The following DLGAP2 variants were observed in gnomAD, a reference collection of about 807,000 sequenced individuals.
DLGAP2 encodes the protein disks large-associated protein 2.
In DLGAP2, 26 loss-of-function variants were observed where a neutral mutation model predicts 100.3. That is an observed-to-expected ratio of 0.26 (90% CI 0.19 to 0.36). The LOEUF (loss-of-function observed/expected upper bound fraction) is 0.36, where lower values mean the gene tolerates loss of function less well. DLGAP2 is among the 10% of genes least tolerant of loss of function. The pLI is 1.00. For synonymous variants in DLGAP2, 886 were observed against 630.1 expected (o/e 1.41, Z -6.08); for missense variants, 1,858 against 1,453.2 (o/e 1.28, Z -4.53).
chr8:1,169,237 C>T (rs1199838987), intron 2 of DLGAP2, among the ~76,000 whole-genome samples: 1 of 152,142 alleles, frequency 6.6e-6, no homozygotes, highest in Admixed American at 6.5e-5. Context: ...TACTATTGAT[C>T]TATATCTCTG....
At chr8:821,243 G>A (rs754864601) in intron 1 of DLGAP2, among the ~76,000 whole-genome samples, 11 of 152,192 alleles carry the variant, frequency 7.2e-5, no homozygotes, top group Non-Finnish European at 1.5e-4. Context: ...TCAGCAGATA[G>A]CAGGCAATGT....
intron 3 of DLGAP2, among the ~76,000 whole-genome samples, chr8:1,422,905 C>G (rs773727990): frequency 5.3e-5 from 8 of 152,160 alleles, no homozygotes; most frequent in Non-Finnish European, 1.0e-4. Flanking sequence ...GAAGCTCCAG[C>G]TCCTTCCTCA....
chr8:1,491,932 G>GC (rs1389605356), intron 3 of DLGAP2, among the ~76,000 whole-genome samples: 1 of 152,220 alleles, frequency 6.6e-6, no homozygotes, highest in Non-Finnish European at 1.5e-5. Context: ...GAGCTCCGGA[G>GC]CGGGACGCGA....
chr8:1,204,767 G>T (rs7002858), intron 2 of DLGAP2, among the ~76,000 whole-genome samples: 85,642 of 151,560 alleles, frequency 0.57, 26,636 homozygotes, highest in African/African-American at 0.83. Flanking sequence ...GAAGAGGGAA[G>T]AAAAAATCTG....
intron 1 of DLGAP2, among the ~76,000 whole-genome samples, chr8:862,892 A>G (rs1171632948): frequency 2.6e-5 from 4 of 152,200 alleles, no homozygotes; most frequent in Non-Finnish European, 4.4e-5. Flanking sequence ...AACATACATA[A>G]TTGATCCACA....
chr8:1,648,751 C>T (rs886847555), intron 8 of DLGAP2, among the ~76,000 whole-genome samples: 3 of 152,168 alleles, frequency 2.0e-5, no homozygotes, highest in Non-Finnish European at 2.9e-5. Context: ...TCCCTGAGCC[C>T]CTGGTCCCCT....
chr8:751,025 C>G (rs1328500818), intron 1 of DLGAP2, among the ~76,000 whole-genome samples: 1 of 152,158 alleles, frequency 6.6e-6, no homozygotes, highest in Non-Finnish European at 1.5e-5. Context: ...TGATCTCCGG[C>G]CACCCTCTCA....
At chr8:1,251,069 A>C (rs754040898) in intron 2 of DLGAP2, among the ~76,000 whole-genome samples, 7 of 152,160 alleles carry the variant, frequency 4.6e-5, no homozygotes, top group Non-Finnish European at 1.0e-4. Flanking sequence ...TTGGTTTTCA[A>C]ATTAGAAATT....
At chr8:809,659 T>C (rs892051966) in intron 1 of DLGAP2, among the ~76,000 whole-genome samples, 1 of 152,132 alleles carries the variant, frequency 6.6e-6, no homozygotes, top group Non-Finnish European at 1.5e-5. Context: ...CTGACTGAAA[T>C]TGGTGAAGAA....
At chr8:950,248 A>G (rs949894767) in intron 2 of DLGAP2, among the ~76,000 whole-genome samples, 1 of 152,198 alleles carries the variant, frequency 6.6e-6, no homozygotes, top group Non-Finnish European at 1.5e-5. Flanking sequence ...GGTACCAAAA[A>G]TCATGAGGAA....
In DLGAP2 at chr8:1,706,731, A is replaced by C. The variant is rs953367940; in HGVS notation, c.*5325A>C. 1.3e-5 allele frequency: 2 copies of C among 152,200 alleles called. No individual in the cohort carries two copies. Among genetic ancestry groups the C allele is most frequent in the Admixed American group, 1.3e-4 (2 of 15,278 alleles). 9.4% of individuals were successfully genotyped at this position (152,200 alleles called of 1,614,324 possible). Reference sequence around the variant, plus strand: ...TAAACATTAAAATGATGAAGGAAAAAAAATTATTTGGAAGCCGAAAACCGC... The same window carrying C: ...TAAACATTAAAATGATGAAGGAAAACAAATTATTTGGAAGCCGAAAACCGC... On this transcript the variant is annotated 3_prime_UTR_variant, in exon 15 of 15. Coordinates refer to ENST00000637795, the MANE Select transcript of DLGAP2 (RefSeq NM_001346810.2).
intron 12 of DLGAP2, among the ~76,000 whole-genome samples, chr8:1,689,500 G>A (rs1308182531): frequency 6.6e-6 from 1 of 152,238 alleles, no homozygotes; most frequent in Non-Finnish European, 1.5e-5. Context: ...TTTTCCACCA[G>A]CCTTGGAGAG....
At chr8:1,394,308 T>C (rs1238979589) in intron 3 of DLGAP2, among the ~76,000 whole-genome samples, 1 of 112 alleles carries the variant, frequency 8.9e-3, no homozygotes. Context: ...GCCACCTCCT[T>C]GTCCTCCTGA....
chr8:1,377,041 C>T (rs1355547081), intron 3 of DLGAP2, among the ~76,000 whole-genome samples: 1 of 152,204 alleles, frequency 6.6e-6, no homozygotes. Context: ...GTGCGCGGTC[C>T]CTGGCTGCTT....
chr8:1,614,972 CTG>C (rs1219459328), intron 6 of DLGAP2, among the ~76,000 whole-genome samples: 3 of 152,236 alleles, frequency 2.0e-5, no homozygotes, highest in Non-Finnish European at 4.4e-5. Flanking sequence ...GCCCATGGTC[CTG>C]TGAGTTCCCT....
In DLGAP2 at chr8:979,262, G is replaced by C. The variant is rs558209263; in HGVS notation, c.73+71296G>C. On this transcript the variant is annotated intron_variant, in intron 2 of 14. Coordinates refer to ENST00000637795, the MANE Select transcript of DLGAP2 (RefSeq NM_001346810.2). ...AACTAATAAAAACAGTAAGCAAATGGAGATTACAGCTTTAAATATACTGAC... is the reference window on the plus strand; with the variant it reads ...AACTAATAAAAACAGTAAGCAAATGCAGATTACAGCTTTAAATATACTGAC... Among the ~76,000 whole-genome samples, 5 of 152,288 alleles carry C rather than the reference G, an allele frequency of 3.3e-5. No homozygotes were observed. The South Asian group carries it at 1.0e-3, about 32-fold the overall frequency.
chr8:768,787 C>T (rs1475118507), intron 1 of DLGAP2, among the ~76,000 whole-genome samples: 2 of 152,038 alleles, frequency 1.3e-5, no homozygotes, highest in African/African-American at 2.4e-5. Context: ...AAAAATGGTG[C>T]GCTTCCATCG....
At chr8:1,555,181 A>G (rs990600468) in intron 5 of DLGAP2, among the ~76,000 whole-genome samples, 1 of 152,112 alleles carries the variant, frequency 6.6e-6, no homozygotes, top group African/African-American at 2.4e-5. Context: ...TCCCCTTTTA[A>G]GCCACTCTGG....
chr8:788,025 C>T (rs1821920816), intron 1 of DLGAP2, among the ~76,000 whole-genome samples: 1 of 141,788 alleles, frequency 7.1e-6, no homozygotes, highest in Admixed American at 6.9e-5. Context: ...AGCATGGTGG[C>T]CACAGGGGTC....
Sources: allele counts gnomAD v4.1 joint callset (sites outside exome capture counted in the v4.1 genomes callset), GRCh38; gene constraint gnomAD v4.1.1; transcripts MANE v1.5; gene names NCBI Gene and HGNC (gene_info 2026-07-23, HGNC 2026-07-21).